MAN1A2: variants seen among roughly 807,000 people sequenced by gnomAD.
MAN1A2 encodes the protein mannosidase alpha class 1A member 2, also known as mannosyl-oligosaccharide 1,2-alpha-mannosidase IB.
A neutral mutation model predicts 75.7 loss-of-function variants in MAN1A2; 26 were observed. The observed-to-expected ratio is 0.34, with a 90% CI of 0.25 to 0.48. The LOEUF is 0.48. Among genes scored for constraint, MAN1A2 ranks in the 20% least tolerant of loss-of-function variants. The pLI is 0.99. For synonymous variants in MAN1A2, 247 were observed against 264.6 expected (o/e 0.93, Z 0.65); for missense variants, 562 against 775.5 (o/e 0.72, Z 3.27).
intron 1 of MAN1A2, among the ~76,000 whole-genome samples, chr1:117,387,329 G>T (rs1248516007): frequency 2.6e-5 from 4 of 152,084 alleles, no homozygotes; most frequent in African/African-American, 9.7e-5. Flanking sequence ...GTAGAAAACA[G>T]TATGGTGTGT....
intron 2 of MAN1A2, among the ~76,000 whole-genome samples, chr1:117,403,499 G>A (rs919636037): frequency 2.6e-5 from 4 of 151,986 alleles, no homozygotes; most frequent in Non-Finnish European, 4.4e-5. Context: ...TTTCAAATAC[G>A]TAATAATTCA....
intron 6 of MAN1A2, among the ~76,000 whole-genome samples, chr1:117,458,522 T>G (rs1267528840): frequency 6.7e-5 from 6 of 90,150 alleles, no homozygotes; most frequent in South Asian, 8.7e-4. Context: ...GATATATATA[T>G]ATTTTTTTTT....
chr1:117,469,725 G>A (rs1003333381), intron 8 of MAN1A2, among the ~76,000 whole-genome samples: 1 of 152,140 alleles, frequency 6.6e-6, no homozygotes, highest in Non-Finnish European at 1.5e-5. Context: ...TGGAAAATAA[G>A]TACATGAAAA....
chr1:117,429,431 G>A (rs7540453), intron 5 of MAN1A2, among the ~76,000 whole-genome samples: 15,797 of 122,912 alleles, frequency 0.13, 759 homozygotes, highest in African/African-American at 0.2. Context: ...CGGGCAGGGG[G>A]GCTGACCCCC....
intron 8 of MAN1A2, among the ~76,000 whole-genome samples, chr1:117,470,920 C>A (rs975842354): frequency 2.0e-5 from 3 of 151,886 alleles, no homozygotes; most frequent in Admixed American, 6.6e-5. Context: ...ACATAGCAAT[C>A]ACAGAAGATA....
intron 5 of MAN1A2, among the ~76,000 whole-genome samples, chr1:117,439,455 C>T (rs750619345): frequency 5.3e-5 from 8 of 151,746 alleles, no homozygotes; most frequent in Non-Finnish European, 1.0e-4. Context: ...CTTCCCTCCT[C>T]AAGAAACTAC....
chr1:117,375,273 T>A (rs1557924039), intron 1 of MAN1A2, among the ~76,000 whole-genome samples: 1 of 152,114 alleles, frequency 6.6e-6, no homozygotes, highest in African/African-American at 2.4e-5. Context: ...TTTCCTTTTT[T>A]AAAAAAATTT....
chr1:117,398,205 G>A (rs1647280576), intron 1 of MAN1A2, among the ~76,000 whole-genome samples: 2 of 152,284 alleles, frequency 1.3e-5, no homozygotes, highest in South Asian at 2.1e-4. Context: ...TAAGTACTAT[G>A]AAGGAAAGAT....
At chr1:117,401,797 T>C (rs1243489508) in intron 1 of MAN1A2, among the ~76,000 whole-genome samples, 1 of 152,124 alleles carries the variant, frequency 6.6e-6, no homozygotes, top group Non-Finnish European at 1.5e-5. Flanking sequence ...CCTGTTCTCT[T>C]ATCTTTTCCT....
chr1:117,474,566 T>C (rs1650259127), intron 8 of MAN1A2, among the ~76,000 whole-genome samples: 1 of 151,018 alleles, frequency 6.6e-6, no homozygotes, highest in African/African-American at 2.5e-5. Context: ...ATTTAAAAAA[T>C]TTCAGTTTGA....
intron 7 of MAN1A2, among the ~76,000 whole-genome samples, chr1:117,463,714 A>G (rs1400247220): frequency 8.8e-6 from 1 of 113,416 alleles, no homozygotes; most frequent in East Asian, 2.0e-4. Context: ...TAAAAACAGT[A>G]AAAAAAAAAA....
rs1044108222 is a variant in MAN1A2 at position 117,502,908 on chromosome 1, A to G, written c.1731A>G (p.Val577=). The G allele has an allele frequency of 1.6e-5, 25 of 1,608,386 alleles. No individual in the cohort carries two copies. The highest frequency in any genetic ancestry group is 4.0e-5 in the African/African-American group (3 of 74,574). Residue 577 remains valine, a synonymous_variant, in exon 12 of 13, where the codon GTA becomes GTG. Transcript: ENST00000356554. ...GTGGGTTTTCTGGAGTCAAAGATGT[A>G]TATTCCTCTACTCCTACACATGATG... The part of the protein sequence containing the change: ...VNGGFSGVKD[V]YSSTPTHDDV...
rs116193627 is a variant in MAN1A2 at position 117,402,493 on chromosome 1, A to G, written c.558+52A>G. Reference sequence around the variant, plus strand: ...AGTGTTTATGGATTTGTATTTGGATACAAACAAATATATATAATCTATGGT... The same window carrying G: ...AGTGTTTATGGATTTGTATTTGGATGCAAACAAATATATATAATCTATGGT... On this transcript the variant is annotated intron_variant, in intron 2 of 12. Coordinates refer to ENST00000356554, the MANE Select transcript of MAN1A2 (RefSeq NM_006699.5). 5.0e-4 allele frequency: 736 copies of G among 1,466,996 alleles called. 5 individuals are homozygous for G. The African/African-American group carries it at 9.3e-3, about 19-fold the overall frequency. 90.9% of individuals were successfully genotyped at this position (1,466,996 alleles called of 1,614,324 possible).
intron 8 of MAN1A2, among the ~76,000 whole-genome samples, chr1:117,477,419 C>T (rs1650353513): frequency 6.6e-6 from 1 of 152,002 alleles, no homozygotes. Context: ...TCCAGCAGCA[C>T]ATCAAAAAAT....
intron 6 of MAN1A2, among the ~76,000 whole-genome samples, chr1:117,453,225 C>T (rs571201016): frequency 1.4e-4 from 21 of 152,268 alleles, no homozygotes; most frequent in African/African-American, 5.1e-4. Context: ...CATTCTGCAG[C>T]CCATGGGTCA....
rs577275465 is a variant in MAN1A2 at position 117,518,719 on chromosome 1, C to T, written c.1794-4106C>T. Among the ~76,000 whole-genome samples, 3 of 152,076 alleles carry T rather than the reference C, an allele frequency of 2.0e-5. No homozygotes were observed. The South Asian group carries it at 6.2e-4, about 32-fold the overall frequency. ...TGATAGACCTAAGAAATCAGATAGACAGCAACACAACAATAATGGAGGACT... is the reference window on the plus strand; with the variant it reads ...TGATAGACCTAAGAAATCAGATAGATAGCAACACAACAATAATGGAGGACT... On this transcript the variant is annotated intron_variant, in intron 12 of 12. Transcript: ENST00000356554.
At chr1:117,519,235 C>A (rs972111506) in intron 12 of MAN1A2, among the ~76,000 whole-genome samples, 2 of 151,634 alleles carry the variant, frequency 1.3e-5, no homozygotes, top group African/African-American at 4.8e-5. Flanking sequence ...TCAGAAAGAC[C>A]GAAAGAGCAC....
At chr1:117,441,796 G>T (rs1349133768) in intron 5 of MAN1A2, among the ~76,000 whole-genome samples, 1 of 152,068 alleles carries the variant, frequency 6.6e-6, no homozygotes, top group Non-Finnish European at 1.5e-5. Context: ...TCTATCATAT[G>T]ATTAAACCTT....
chr1:117,409,007 T>C (rs7547211), intron 3 of MAN1A2, among the ~76,000 whole-genome samples: 3 of 152,028 alleles, frequency 2.0e-5, no homozygotes, highest in Admixed American at 6.5e-5. Flanking sequence ...TCTAATATTA[T>C]TGATTTATGT....
Sources: gnomAD v4.1 joint callset for allele counts (sites outside exome capture counted in the v4.1 genomes callset) on GRCh38, gnomAD v4.1.1 for gene constraint, MANE v1.5 for transcripts, NCBI Gene and HGNC (gene_info 2026-07-23, HGNC 2026-07-21) for gene names.